RGS7: variants seen among roughly 807,000 people sequenced by gnomAD.
The protein encoded by RGS7 is regulator of G-protein signaling 7.
RGS7 carries 27 observed loss-of-function variants against 81.1 expected under a neutral mutation model. The ratio of observed to expected loss-of-function variants is 0.33; its 90% CI spans 0.25 to 0.46. The LOEUF (loss-of-function observed/expected upper bound fraction) is 0.46, where lower values mean the gene tolerates loss of function less well. RGS7 is among the 20% of genes least tolerant of loss of function. The pLI is 1.00. For missense variants in RGS7, 396 were observed against 607.4 expected (o/e 0.65, Z 3.66); for synonymous variants, 208 against 207.7 (o/e 1.00, Z -0.01).
intron 2 of RGS7, among the ~76,000 whole-genome samples, chr1:241,302,878 C>CTT (rs2079857720): frequency 6.6e-6 from 1 of 151,892 alleles, no homozygotes; most frequent in Non-Finnish European, 1.5e-5. Flanking sequence ...TTCTTTCTTT[C>CTT]TTTCTTTCTT....
At chr1:241,150,172 T>G (rs1049851995) in intron 2 of RGS7, among the ~76,000 whole-genome samples, 1 of 152,204 alleles carries the variant, frequency 6.6e-6, no homozygotes, top group African/African-American at 2.4e-5. Flanking sequence ...TCATTTGTAT[T>G]ATACAATGAA....
At chr1:241,352,542 C>T (rs137898756) in intron 2 of RGS7, among the ~76,000 whole-genome samples, 4 of 152,246 alleles carry the variant, frequency 2.6e-5, no homozygotes, top group Non-Finnish European at 5.9e-5. Flanking sequence ...ATGAACTCTA[C>T]TGAGATTCCC....
chr1:241,221,043 G>GGAAGGAAGGA (rs1390080527), intron 2 of RGS7, among the ~76,000 whole-genome samples: 42 of 83,072 alleles, frequency 5.1e-4, no homozygotes, highest in Non-Finnish European at 6.1e-4. Flanking sequence ...GGAAGGAAAA[G>GGAAGGAAGGA]AAAGAAAGAA....
chr1:240,806,415 A>C lies in RGS7; in HGVS notation c.1083-89T>G, dbSNP rs950179748. ...TTTACGGATCATGCAGTTCATCATGACGACTCACAGCCAGCTCACTTTCTC... is the reference window on the plus strand; with the variant it reads ...TTTACGGATCATGCAGTTCATCATGCCGACTCACAGCCAGCTCACTTTCTC... On this transcript the variant is annotated intron_variant, in intron 14 of 18. Coordinates refer to ENST00000440928, the MANE Select transcript of RGS7 (RefSeq NM_001364886.1). 23 of 1,274,228 alleles carry C rather than the reference A, an allele frequency of 1.8e-5. No homozygotes were observed. In the African/African-American group the frequency reaches 2.8e-4, roughly 15 times the overall value. 78.9% of individuals were successfully genotyped at this position (1,274,228 alleles called of 1,614,324 possible). A position where few individuals can be genotyped will look rare whatever the true frequency, so the allele number is the denominator to read the frequency against.
intron 3 of RGS7, among the ~76,000 whole-genome samples, chr1:241,009,563 G>A (rs2058850259): frequency 6.6e-6 from 1 of 152,160 alleles, no homozygotes; most frequent in Non-Finnish European, 1.5e-5. Flanking sequence ...TTATGAAACT[G>A]CCCCATAGCC....
intron 2 of RGS7, among the ~76,000 whole-genome samples, chr1:241,330,492 T>C (rs903123545): frequency 6.6e-6 from 1 of 152,216 alleles, no homozygotes; most frequent in Non-Finnish European, 1.5e-5. Flanking sequence ...GAAGCTTATC[T>C]GAAACAAACC....
intron 3 of RGS7, among the ~76,000 whole-genome samples, chr1:241,031,884 T>C (rs527549054): frequency 4.5e-4 from 69 of 152,244 alleles, no homozygotes; most frequent in Non-Finnish European, 8.5e-4. Context: ...TATTAGTGCT[T>C]TGTCACATAG....
chr1:241,356,590 G>A (rs2083586943), intron 1 of RGS7, among the ~76,000 whole-genome samples: 1 of 152,140 alleles, frequency 6.6e-6, no homozygotes, highest in African/African-American at 2.4e-5. Flanking sequence ...GAAGCCTCCA[G>A]AGCAACCAGC....
chr1:241,178,524 A>G lies in RGS7; in HGVS notation c.79-79762T>C, dbSNP rs1294274346. On this transcript the variant is annotated intron_variant, in intron 2 of 18. Coordinates refer to ENST00000440928, the MANE Select transcript of RGS7 (RefSeq NM_001364886.1). ...ACCTGTAGGTTCGTAGAAGGTGAACAGTCAGCAAGGACCAAGAAAGTAGAA... is the reference window on the plus strand; with the variant it reads ...ACCTGTAGGTTCGTAGAAGGTGAACGGTCAGCAAGGACCAAGAAAGTAGAA... Among the ~76,000 whole-genome samples the G allele has an allele frequency of 3.3e-5, 5 of 152,204 alleles. No individual in the cohort carries two copies. The East Asian group carries it at 5.8e-4, about 18-fold the overall frequency.
chr1:240,986,999 G>A (rs1330614827), intron 3 of RGS7, among the ~76,000 whole-genome samples: 1 of 152,158 alleles, frequency 6.6e-6, no homozygotes, highest in African/African-American at 2.4e-5. Flanking sequence ...CCCCTGCAGA[G>A]TGCAAAGGCC....
At chr1:240,834,916 CCACACACACACACACACACA>C (rs67071227) in intron 9 of RGS7, among the ~76,000 whole-genome samples, 3 of 144,616 alleles carry the variant, frequency 2.1e-5, no homozygotes, top group African/African-American at 7.6e-5. Context: ...ACCTTACACT[CCACACACACACACACACACA>C]CACACACACA....
chr1:241,244,888 A>C (rs1289305647), intron 2 of RGS7, among the ~76,000 whole-genome samples: 2 of 146,708 alleles, frequency 1.4e-5, no homozygotes, highest in Non-Finnish European at 3.0e-5. Context: ...GTTCTCACTC[A>C]TAGGTGGGAA....
chr1:240,895,284 CTTTT>C (rs1668882965), intron 6 of RGS7, among the ~76,000 whole-genome samples: 1 of 114,864 alleles, frequency 8.7e-6, no homozygotes, highest in African/African-American at 3.1e-5. Flanking sequence ...TTCTTTCTTT[CTTTT>C]TTCTTTCTTT....
At chr1:241,324,034 C>T (rs906553272) in intron 2 of RGS7, among the ~76,000 whole-genome samples, 14 of 152,072 alleles carry the variant, frequency 9.2e-5, no homozygotes, top group African/African-American at 3.4e-4. Context: ...AATAGCAATG[C>T]CTCAAAGGGT....
intron 2 of RGS7, among the ~76,000 whole-genome samples, chr1:241,303,438 T>A (rs1172206477): frequency 6.6e-6 from 1 of 152,176 alleles, no homozygotes; most frequent in Non-Finnish European, 1.5e-5. Flanking sequence ...TTAAACCTCT[T>A]TTTCTAGGTG....
chr1:241,044,498 C>T (rs1431178749), intron 3 of RGS7, among the ~76,000 whole-genome samples: 1 of 152,182 alleles, frequency 6.6e-6, no homozygotes, highest in East Asian at 1.9e-4. Flanking sequence ...TCATAGCTCA[C>T]TGTAACCTCA....
rs1185485243 is a variant in RGS7, at chr1:241,207,209, T to C, written c.79-108447A>G. Among the ~76,000 whole-genome samples, 9 of 151,356 alleles carry C rather than the reference T, an allele frequency of 5.9e-5. 1 individual carries two copies. In the East Asian group the frequency reaches 1.6e-3, roughly 26 times the overall value. On this transcript the variant is annotated intron_variant, in intron 2 of 18. Coordinates refer to ENST00000440928, the MANE Select transcript of RGS7 (RefSeq NM_001364886.1). ...GTCTCAATCTCCCGACCTCGTGATC[T>C]GCCCGCCTCGGCCTCCCAAAGTCTC... is the stretch of plus-strand genomic sequence containing the variant.
chr1:240,888,537 G>T (rs185309547), intron 6 of RGS7, among the ~76,000 whole-genome samples: 3 of 152,160 alleles, frequency 2.0e-5, no homozygotes, highest in African/African-American at 7.2e-5. Context: ...CTCTCAGAGG[G>T]CTTACTTTGT....
intron 2 of RGS7, among the ~76,000 whole-genome samples, chr1:241,336,849 G>C (rs2082273341): frequency 6.6e-6 from 1 of 152,090 alleles, no homozygotes; most frequent in Non-Finnish European, 1.5e-5. Flanking sequence ...GATATTCCTG[G>C]CACCTTCATA....
Sources: allele counts gnomAD v4.1 joint callset (sites outside exome capture counted in the v4.1 genomes callset), GRCh38; gene constraint gnomAD v4.1.1; transcripts MANE v1.5; gene names NCBI Gene and HGNC (gene_info 2026-07-23, HGNC 2026-07-21).